DLGAP4: variants seen among roughly 807,000 people sequenced by gnomAD.
DLGAP4 encodes the protein DLG associated protein 4, also known as disks large-associated protein 4.
In DLGAP4, 18 loss-of-function variants were observed where a neutral mutation model predicts 86.9. The observed-to-expected ratio is 0.21, with a 90% confidence interval of 0.14 to 0.31. The LOEUF (loss-of-function observed/expected upper bound fraction) is 0.31, where lower values mean the gene tolerates loss of function less well. Among genes scored for constraint, DLGAP4 ranks in the 10% least tolerant of loss-of-function variants. DLGAP4 has a pLI of 1.00. For synonymous variants in DLGAP4, 548 were observed against 574.3 expected (o/e 0.95, Z 0.65); for missense variants, 1,085 against 1,362.6 (o/e 0.80, Z 3.21).
At chr20:36,439,687 C>G in intron 4 of DLGAP4, 67 bp from the exon 5 acceptor site, 1 of 1,399,752 alleles carries the variant, frequency 7.1e-7, no homozygotes, top group African/African-American at 1.4e-5. Context: ...CACAGATGGT[C>G]AAGGCCTCCA....
rs149233206 is a variant in DLGAP4 at position 36,388,665 on chromosome 20, C to T, written c.-73+21390C>T. Among the ~76,000 whole-genome samples, 1,101 of 152,310 alleles carry T rather than the reference C, an allele frequency of 7.2e-3. 15 individuals are homozygous for T. The highest frequency in any genetic ancestry group is 0.025 in the African/African-American group (1,058 of 41,556). On this transcript the variant is annotated intron_variant, in intron 2 of 12. Coordinates refer to ENST00000339266, the MANE Select transcript of DLGAP4 (RefSeq NM_001365621.2). ...TGTGACTCTGGGAAAGGCAGTTAACCTCTCTGTGCCTCATTTGTTAAATTG... is the reference window on the plus strand; with the variant it reads ...TGTGACTCTGGGAAAGGCAGTTAACTTCTCTGTGCCTCATTTGTTAAATTG...
intron 7 of DLGAP4, among the ~76,000 whole-genome samples, chr20:36,469,350 T>A (rs2034557086): frequency 6.6e-6 from 1 of 151,954 alleles, no homozygotes; most frequent in Admixed American, 6.6e-5. Flanking sequence ...GTCCCTGTAG[T>A]TTGGGCCTGT....
At chr20:36,343,959 G>C (rs1200793552) in intron 1 of DLGAP4, among the ~76,000 whole-genome samples, 1 of 152,222 alleles carries the variant, frequency 6.6e-6, no homozygotes, top group Non-Finnish European at 1.5e-5. Context: ...TCACTACTGA[G>C]GGAGCTGCCT....
intron 2 of DLGAP4, among the ~76,000 whole-genome samples, chr20:36,376,069 G>A (rs2031140525): frequency 6.6e-6 from 1 of 152,032 alleles, no homozygotes; most frequent in African/African-American, 2.4e-5. Flanking sequence ...CGTGATCAGG[G>A]CTCACTGCAG....
At chr20:36,371,363 C>A (rs1252129907) in intron 2 of DLGAP4, among the ~76,000 whole-genome samples, 1 of 152,190 alleles carries the variant, frequency 6.6e-6, no homozygotes, top group East Asian at 1.9e-4. Flanking sequence ...TGGGGAGGGA[C>A]AGATATTATA....
At chr20:36,366,233 G>A (rs2030684670) in intron 1 of DLGAP4, among the ~76,000 whole-genome samples, 1 of 152,052 alleles carries the variant, frequency 6.6e-6, no homozygotes, top group Non-Finnish European at 1.5e-5. Flanking sequence ...AGCTAATTTT[G>A]TATTTTTAGT....
intron 7 of DLGAP4, among the ~76,000 whole-genome samples, chr20:36,488,070 C>T (rs942775796): frequency 6.6e-5 from 10 of 151,762 alleles, no homozygotes; most frequent in African/African-American, 2.4e-4. Flanking sequence ...CATGGTGGCG[C>T]GCGCCTATAA....
intron 1 of DLGAP4, among the ~76,000 whole-genome samples, chr20:36,333,281 T>C (rs2065288737): frequency 6.6e-6 from 1 of 152,148 alleles, no homozygotes; most frequent in Non-Finnish European, 1.5e-5. Flanking sequence ...GCTCTTCTCC[T>C]TCTATTGGTG....
At chr20:36,503,010 C>T (rs2147785047) in intron 10 of DLGAP4, among the ~76,000 whole-genome samples, 1 of 152,240 alleles carries the variant, frequency 6.6e-6, no homozygotes, top group African/African-American at 2.4e-5. Context: ...CAGGCATGAG[C>T]CACCATGCCT....
chr20:36,466,946 GTCTC>G (rs1187637533), intron 7 of DLGAP4, among the ~76,000 whole-genome samples: 4,741 of 94,884 alleles, frequency 0.05, 316 homozygotes, highest in African/African-American at 0.18. Flanking sequence ...CTCTCTCTCT[GTCTC>G]TCTCTCTCTC....
rs897657448 is a variant in DLGAP4, at chr20:36,470,496, GT to G, written c.1648+23567del. On this transcript the variant is annotated intron_variant, in intron 7 of 12. Coordinates refer to ENST00000339266, the MANE Select transcript of DLGAP4 (RefSeq NM_001365621.2). The stretch of plus-strand genomic sequence containing the variant: ...CATCTCTGGATACGTTTTGCTGGAG[GT>G]TTTTTTTGTGTGTAAAAGTTATATT... Among the ~76,000 whole-genome samples, 10 of 151,124 alleles carry G rather than the reference GT, an allele frequency of 6.6e-5. No individual in the cohort carries two copies. In the East Asian group the frequency reaches 7.8e-4, roughly 12 times the overall value.
At chr20:36,356,601 G>A (rs941409755) in intron 1 of DLGAP4, among the ~76,000 whole-genome samples, 4 of 151,432 alleles carry the variant, frequency 2.6e-5, no homozygotes, top group Non-Finnish European at 2.9e-5. Context: ...GTGAGCCACC[G>A]CGCCTGGCCC....
In DLGAP4 at chr20:36,431,855, C is replaced by T; in HGVS notation, c.138C>T (p.Phe46=). The T allele has an allele frequency of 1.2e-6, 2 of 1,614,070 alleles. No homozygotes were observed. The highest frequency in any genetic ancestry group is 1.7e-6 in the Non-Finnish European group (2 of 1,179,976). The stretch of plus-strand genomic sequence containing the variant: ...AGGCCTTCGCCCGCGAGGCCCGCTT[C>T]CCCGGGCAGAACACCCTGCCAGGAG... ...PTEAFAREAR[F]PGQNTLPGDG... The change falls in exon 3 of 13, where the codon TTC becomes TTT. Residue 46 remains phenylalanine, a synonymous_variant. Transcript: ENST00000339266. This position sits in a 1 kb window ranked among gnomAD's most constrained non-coding sequence, Gnocchi z 5.1.
At chr20:36,379,294 G>T (rs771933095) in intron 2 of DLGAP4, among the ~76,000 whole-genome samples, 1 of 152,220 alleles carries the variant, frequency 6.6e-6, no homozygotes, top group Non-Finnish European at 1.5e-5. Flanking sequence ...AGATGCTCTT[G>T]AGAAAGACTA....
chr20:36,431,325 CA>C lies in DLGAP4; in HGVS notation c.-72-320del, dbSNP rs1480539607. Among the ~76,000 whole-genome samples the C allele has an allele frequency of 1.3e-5, 2 of 152,154 alleles. No individual in the cohort carries two copies. The highest frequency in any genetic ancestry group is 2.9e-5 in the Non-Finnish European group (2 of 68,028). Reference sequence around the variant, plus strand: ...AGAGAGTGGAGGATGGGCAGCCCCCCACCCATATTTCATCATGGAATTCAGA... The same window carrying C: ...AGAGAGTGGAGGATGGGCAGCCCCCCCCCATATTTCATCATGGAATTCAGA... On this transcript the variant is annotated intron_variant, in intron 2 of 12. Coordinates refer to ENST00000339266, the MANE Select transcript of DLGAP4 (RefSeq NM_001365621.2). This position sits in a 1 kb window ranked among gnomAD's most constrained non-coding sequence, Gnocchi z 5.1.
intron 2 of DLGAP4, among the ~76,000 whole-genome samples, chr20:36,374,622 G>C (rs939516765): frequency 2.0e-5 from 3 of 152,234 alleles, no homozygotes; most frequent in African/African-American, 7.2e-5. Context: ...GGAGGAGTTA[G>C]ATCAAGGCCC....
chr20:36,403,618 C>T (rs2032228043), intron 2 of DLGAP4, among the ~76,000 whole-genome samples: 1 of 152,248 alleles, frequency 6.6e-6, no homozygotes, highest in South Asian at 2.1e-4. Context: ...AGTATACAAG[C>T]AAACTCAACG....
chr20:36,436,976 G>A (rs1307872478), intron 4 of DLGAP4, among the ~76,000 whole-genome samples: 1 of 152,080 alleles, frequency 6.6e-6, no homozygotes, highest in Non-Finnish European at 1.5e-5. Flanking sequence ...CGCAAGCCTC[G>A]TCCCCTAGGT....
intron 1 of DLGAP4, among the ~76,000 whole-genome samples, chr20:36,316,561 G>T (rs2065102121): frequency 6.6e-6 from 1 of 152,072 alleles, no homozygotes; most frequent in Non-Finnish European, 1.5e-5. Context: ...GGACTAGACT[G>T]TAAGGGTCTC....
Sources: allele counts gnomAD v4.1 joint callset (sites outside exome capture counted in the v4.1 genomes callset), GRCh38; gene constraint gnomAD v4.1.1; non-coding constraint Gnocchi (gnomAD v3.1); transcripts MANE v1.5; gene names NCBI Gene and HGNC (gene_info 2026-07-23, HGNC 2026-07-21).